CDH13: variants seen among roughly 807,000 people sequenced by gnomAD.
The protein encoded by CDH13 is cadherin-13.
Under a neutral mutation model 63.8 loss-of-function variants are expected in CDH13, and 24 were observed. The observed-to-expected ratio is 0.38, with a 90% CI of 0.27 to 0.53. CDH13 has a LOEUF of 0.53. Ranked by LOEUF, CDH13 falls within the 20% of genes least tolerant of loss-of-function variation. The probability of loss-of-function intolerance (pLI) is 0.85; values close to 1 mark genes in which losing one functional copy is unlikely to be tolerated. For missense variants in CDH13, 1,049 were observed against 903.1 expected (o/e 1.16, Z -2.07); for synonymous variants, 503 against 355.3 (o/e 1.42, Z -4.67).
chr16:82,646,610 C>G (rs1430830773), intron 1 of CDH13, among the ~76,000 whole-genome samples: 1 of 152,144 alleles, frequency 6.6e-6, no homozygotes, highest in Non-Finnish European at 1.5e-5. Flanking sequence ...TGGTTAGAAG[C>G]CATTTCTTAC....
intron 6 of CDH13, among the ~76,000 whole-genome samples, chr16:83,458,345 C>G (rs1001538046): frequency 6.6e-6 from 1 of 152,200 alleles, no homozygotes; most frequent in Admixed American, 6.5e-5. Flanking sequence ...ACAGAAATGA[C>G]TACATTAAAA....
intron 1 of CDH13, among the ~76,000 whole-genome samples, chr16:82,765,669 A>C (rs1345280682): frequency 6.6e-6 from 1 of 152,194 alleles, no homozygotes; most frequent in Non-Finnish European, 1.5e-5. Context: ...ATGAAAAAGC[A>C]TTCTAAGGGA....
At chr16:82,815,692 T>C (rs988450804) in intron 1 of CDH13, among the ~76,000 whole-genome samples, 8 of 152,184 alleles carry the variant, frequency 5.3e-5, no homozygotes, top group Non-Finnish European at 1.0e-4. Context: ...GTTATTTGGA[T>C]CCTCTACCAT....
chr16:83,021,527 C>T (rs1383462972), intron 2 of CDH13, among the ~76,000 whole-genome samples: 1 of 152,146 alleles, frequency 6.6e-6, no homozygotes, highest in African/African-American at 2.4e-5. Flanking sequence ...GCAGATGTGG[C>T]CTCTGTCTTT....
At chr16:83,751,024 AGAAGTTGG>A (rs1026770969) in intron 11 of CDH13, among the ~76,000 whole-genome samples, 5 of 151,416 alleles carry the variant, frequency 3.3e-5, no homozygotes, top group African/African-American at 1.2e-4. Context: ...TAAAGATGTG[AGAAGTTGG>A]GAAGTTGGTC....
intron 10 of CDH13, 49 bp downstream of exon 10, chr16:83,678,510 T>C: frequency 6.2e-7 from 1 of 1,605,472 alleles, no homozygotes; most frequent in South Asian, 1.1e-5. Context: ...CAGGAATGGC[T>C]TTTCCTTTCC....
Position 83,748,096 on chromosome 16 carries a change from G to C in CDH13, c.1539-12G>C. ...TGAATGCAGAGTCTGACATTGTGGG[G>C]ATTTTTTTCAGGTATTCTGTTTACA... On this transcript the variant is annotated splice_polypyrimidine_tract_variant and intron_variant, in intron 10 of 13. Coordinates refer to ENST00000567109, the MANE Select transcript of CDH13 (RefSeq NM_001257.5). 6.2e-7 allele frequency: 1 copy of C among 1,613,870 alleles called. No homozygotes were observed. Among genetic ancestry groups the C allele is most frequent in the South Asian group, 1.1e-5 (1 of 91,084 alleles).
chr16:83,522,630 G>A (rs190619710), intron 7 of CDH13, among the ~76,000 whole-genome samples: 44 of 152,264 alleles, frequency 2.9e-4, no homozygotes, highest in African/African-American at 7.9e-4. Flanking sequence ...CAAAGTTGCC[G>A]AGCGCAGTGG....
chr16:82,760,905 CA>C (rs1218257677), intron 1 of CDH13, among the ~76,000 whole-genome samples: 1 of 151,634 alleles, frequency 6.6e-6, no homozygotes, highest in African/African-American at 2.4e-5. Context: ...AGGGAGAACT[CA>C]CTCATGATCG....
intron 1 of CDH13, among the ~76,000 whole-genome samples, chr16:82,842,465 A>G (rs1254913342): frequency 1.3e-5 from 2 of 152,038 alleles, no homozygotes; most frequent in Non-Finnish European, 2.9e-5. Context: ...AAGAGTGCAC[A>G]GGCAAAAATC....
chr16:82,836,094 A>T (rs113570080), intron 1 of CDH13, among the ~76,000 whole-genome samples: 3 of 152,236 alleles, frequency 2.0e-5, no homozygotes, highest in African/African-American at 7.2e-5. Flanking sequence ...TGAACTTTGC[A>T]TGTGAAAGAT....
intron 3 of CDH13, among the ~76,000 whole-genome samples, chr16:83,058,640 A>T (rs576634291): frequency 2.6e-5 from 4 of 152,340 alleles, no homozygotes; most frequent in South Asian, 4.1e-4. Flanking sequence ...TGATGTTCCC[A>T]TACTGATGTT....
At chr16:83,216,843 T>C in intron 4 of CDH13, among the ~76,000 whole-genome samples, 1 of 151,574 alleles carries the variant, frequency 6.6e-6, no homozygotes. Context: ...TGTATAAACC[T>C]TTTCTGATGA....
intron 5 of CDH13, among the ~76,000 whole-genome samples, chr16:83,223,345 G>A (rs1041697262): frequency 2.6e-5 from 4 of 152,198 alleles, no homozygotes; most frequent in Admixed American, 2.6e-4. Context: ...ACCTATTCCT[G>A]AAAGCCTTTT....
At chr16:82,799,241 G>A (rs1324311035) in intron 1 of CDH13, among the ~76,000 whole-genome samples, 1 of 152,146 alleles carries the variant, frequency 6.6e-6, no homozygotes, top group Non-Finnish European at 1.5e-5. Flanking sequence ...ATTTTTTGTT[G>A]TACAGTTCAG....
intron 5 of CDH13, among the ~76,000 whole-genome samples, chr16:83,264,995 G>A (rs1907436056): frequency 6.6e-6 from 1 of 151,884 alleles, no homozygotes; most frequent in African/African-American, 2.4e-5. Context: ...CTATCATTTT[G>A]TTTTTCCAGG....
In CDH13 at chr16:83,229,714, G is replaced by C. The variant is rs910433550; in HGVS notation, c.636+12217G>C. 3.3e-5 allele frequency among the ~76,000 whole-genome samples: 5 copies of C among 152,136 alleles called. No individual in the cohort carries two copies. In the South Asian group the frequency reaches 8.3e-4, roughly 25 times the overall value. ...AAAGGTGCAGATGTTTGCATAATAG[G>C]CTCCTTTAAGTAAAATCCACCTTTT... is the stretch of plus-strand genomic sequence containing the variant. On this transcript the variant is annotated intron_variant, in intron 5 of 13. Coordinates refer to ENST00000567109, the MANE Select transcript of CDH13 (RefSeq NM_001257.5).
intron 2 of CDH13, among the ~76,000 whole-genome samples, chr16:82,910,835 T>G (rs758273875): frequency 1.3e-5 from 2 of 152,120 alleles, no homozygotes; most frequent in Non-Finnish European, 2.9e-5. Flanking sequence ...CAGAGCACAG[T>G]GAGGGTGTTC....
chr16:83,344,782 T>G (rs1037714519), intron 5 of CDH13, 80 bp from the exon 6 acceptor site: 10 of 1,510,492 alleles, frequency 6.6e-6, no homozygotes, highest in Non-Finnish European at 9.1e-6. Context: ...CGATATAACC[T>G]ACTTTCTCTA....
Sources: allele counts gnomAD v4.1 joint callset (sites outside exome capture counted in the v4.1 genomes callset), GRCh38; gene constraint gnomAD v4.1.1; transcripts MANE v1.5; gene names NCBI Gene and HGNC (gene_info 2026-07-23, HGNC 2026-07-21).